SPAG5: variants seen among roughly 807,000 people sequenced by gnomAD.
SPAG5 encodes the protein sperm associated antigen 5, also known as sperm-associated antigen 5.
SPAG5 carries 99 observed loss-of-function variants against 145.4 expected under a neutral mutation model. The observed-to-expected ratio is 0.68, with a 90% CI of 0.58 to 0.80. The LOEUF (loss-of-function observed/expected upper bound fraction) is 0.80. Among genes scored for constraint, SPAG5 ranks in the 30% least tolerant of loss-of-function variants. SPAG5 has a pLI of 0.00. For synonymous variants in SPAG5, 477 were observed against 525.4 expected (o/e 0.91, Z 1.26); for missense variants, 1,192 against 1,416.0 (o/e 0.84, Z 2.54).
Position 28,578,725 on chromosome 17 carries a change from G to C in SPAG5, c.3145C>G (p.Gln1049Glu), listed in dbSNP as rs974126992. The C allele has an allele frequency of 6.2e-7, 1 of 1,613,942 alleles. No individual in the cohort carries two copies. The highest frequency in any genetic ancestry group is 8.5e-7 in the Non-Finnish European group (1 of 1,179,846). ...KNEKELQEVI[Q>E]QQNEKILEQI... is the part of the protein sequence containing the mutation. Reference sequence around the variant, plus strand: ...TCTAGGATCTTCTCATTCTGCTGCTGTATCACTTCCTGGAGCTCCTTTTCA... The same window carrying C: ...TCTAGGATCTTCTCATTCTGCTGCTCTATCACTTCCTGGAGCTCCTTTTCA... The change falls in exon 20 of 24, where the codon CAG becomes GAG. Residue 1049 changes from glutamine to glutamate, a missense_variant. By Grantham distance (29) the Gln-to-Glu change is conservative. Around this residue, in one of 5 missense-constraint regions of SPAG5, gnomAD observed 709 missense variants for 840.7 expected, o/e 0.84. Coordinates refer to ENST00000321765, the MANE Select transcript of SPAG5 (RefSeq NM_006461.4).
At chr17:28,579,119 C>T in intron 19 of SPAG5, 22 bp downstream of exon 19, 1 of 1,590,938 alleles carries the variant, frequency 6.3e-7, no homozygotes, top group South Asian at 1.1e-5. Context: ...TTCATCGCCC[C>T]ACTTCTAGGT....
chr17:28,578,621 G>A (rs746682867), intron 20 of SPAG5, 51 bp downstream of exon 20: 1 of 1,609,294 alleles, frequency 6.2e-7, no homozygotes, highest in Non-Finnish European at 8.5e-7. Flanking sequence ...TTGGGATCCT[G>A]GCTGACCAGT....
rs777867126 is a variant in SPAG5 at position 28,593,018 on chromosome 17, T to C, written c.226A>G (p.Thr76Ala). ...CTGAAATGTTCTGAAGATAAGTCTG[T>C]CCTCTTGTTATTTACAAAATCCACT... ...SPVDFVNNKR[T>A]DLSSEHFSHS... is the part of the protein sequence containing the mutation. Residue 76 changes from threonine to alanine, a missense_variant, in exon 3 of 24, where the codon ACA (threonine) becomes GCA (alanine). This residue lies in a region of SPAG5 where 329 missense variants were observed against 354.0 expected (regional missense o/e 0.93). Transcript: ENST00000321765. 2 of 1,614,220 alleles carry C rather than the reference T, an allele frequency of 1.2e-6. No homozygotes were observed. The highest frequency in any genetic ancestry group is 1.7e-6 in the Non-Finnish European group (2 of 1,180,044).
In SPAG5 at chr17:28,579,148, C is replaced by T. The variant is rs748260006; in HGVS notation, c.3110G>A (p.Arg1037His). The change falls in exon 19 of 24, where the codon CGC (arginine) becomes CAC (histidine). Residue 1037 changes from arginine to histidine, a missense_variant. Physicochemically the swap from Arg to His is conservative, Grantham distance 29. Around this residue, in one of 5 missense-constraint regions of SPAG5, gnomAD observed 709 missense variants for 840.7 expected, o/e 0.84. Transcript: ENST00000321765. ...TCTAGGTCCCTCCTTCACCTTGTAG[C>T]GCAAGCACAAGGCCTGGTTCAGCTT... ...IEKLNQALCL[R>H]YKNEKELQEV... 2.5e-6 allele frequency: 4 copies of T among 1,612,452 alleles called. No homozygotes were observed. The highest frequency in any genetic ancestry group is 1.7e-5 in the Admixed American group (1 of 60,012).
At chr17:28,579,002 T>C in intron 19 of SPAG5, 139 bp downstream of exon 19, 1 of 734,204 alleles carries the variant, frequency 1.4e-6, no homozygotes. Context: ...ATGTGAAATG[T>C]CTGACCCCAG....
intron 4 of SPAG5, among the ~76,000 whole-genome samples, chr17:28,591,213 C>A (rs1188173038): frequency 6.6e-6 from 1 of 152,150 alleles, no homozygotes; most frequent in South Asian, 2.1e-4. Context: ...TCCTTGCTTG[C>A]ACTCCTTTGG....
At position 28,584,700 on chromosome 17, in the gene SPAG5, T is replaced by C. The variant is rs1229829276; in HGVS notation, c.2113A>G (p.Lys705Glu). Residue 705 changes from lysine (K) to glutamate (E), a missense_variant, in exon 11 of 24, where the codon AAA becomes GAA. Coordinates refer to ENST00000321765, the MANE Select transcript of SPAG5 (RefSeq NM_006461.4). ...AACTCCAGTTGTTCTGTTTGGCCTT[T>C]GCACTCCTCTAACTGGGCAGAGACT... ...EQVSAQLEECKGQTEQLELEN... is the reference protein window; with the variant it reads ...EQVSAQLEECEGQTEQLELEN... The C allele has an allele frequency of 1.9e-6, 3 of 1,614,078 alleles. No homozygotes were observed. The highest frequency in any genetic ancestry group is 1.3e-5 in the African/African-American group (1 of 74,924).
Position 28,585,614 on chromosome 17 carries a change from G to C in SPAG5, c.1780C>G (p.Gln594Glu). The part of the protein sequence containing the change: ...VLEAFCAHAS[Q>E]RISQLEQDLA... ...TCCTGTTCCAGCTGGCTGATGCGCT[G>C]GCTGGCGTGTGCACAGAAAGCCTCC... Residue 594 changes from glutamine (Q) to glutamate (E), a missense_variant, in exon 8 of 24, where the codon CAG becomes GAG. Coordinates refer to ENST00000321765, the MANE Select transcript of SPAG5 (RefSeq NM_006461.4). The C allele has an allele frequency of 4.3e-6, 7 of 1,614,090 alleles. No individual in the cohort carries two copies. The highest frequency in any genetic ancestry group is 5.9e-6 in the Non-Finnish European group (7 of 1,180,042).
intron 4 of SPAG5, 22 bp downstream of exon 4, chr17:28,591,676 G>A (rs201475323): frequency 6.3e-7 from 1 of 1,584,994 alleles, no homozygotes; most frequent in Non-Finnish European, 8.6e-7. Context: ...GATCCCTCAA[G>A]CTTTGAGAGG....
At chr17:28,598,420 T>C in intron 2 of SPAG5, 90 bp downstream of exon 2, 1 of 1,435,706 alleles carries the variant, frequency 7.0e-7, no homozygotes, top group Non-Finnish European at 9.4e-7. Context: ...TCATTATCGT[T>C]ATTAATTATT....
Position 28,596,871 on chromosome 17 carries a change from G to A in SPAG5, c.177+1639C>T, listed in dbSNP as rs560593000. Among the ~76,000 whole-genome samples, 9 of 148,044 alleles carry A rather than the reference G, an allele frequency of 6.1e-5. No homozygotes were observed. The East Asian group carries it at 1.4e-3, about 23-fold the overall frequency. ...CTATAATCCCAGCACTTTGGAAGGC[G>A]GAGGCGGGCAGATCACCTGAGGTCA... On this transcript the variant is annotated intron_variant, in intron 2 of 23. Coordinates refer to ENST00000321765, the MANE Select transcript of SPAG5 (RefSeq NM_006461.4).
At position 28,586,101 on chromosome 17, in the gene SPAG5, C is replaced by CAGT. The variant is rs773031137; in HGVS notation, c.1591_1593dup (p.Thr531dup). ...TTCAGGCTGCTTACCTCCTGACTCA[C>CAGT]AGTAGTCTTATCTTCTTCTAAATGC... is the stretch of plus-strand genomic sequence containing the variant. On this transcript the variant is annotated inframe_insertion, in exon 6 of 24. Coordinates refer to ENST00000321765, the MANE Select transcript of SPAG5 (RefSeq NM_006461.4). 6.2e-7 allele frequency: 1 copy of CAGT among 1,614,070 alleles called. No homozygotes were observed. Among genetic ancestry groups the CAGT allele is most frequent in the Admixed American group, 1.7e-5 (1 of 60,018 alleles).
chr17:28,593,614 C>T (rs1291435384), intron 2 of SPAG5, among the ~76,000 whole-genome samples: 2 of 152,082 alleles, frequency 1.3e-5, no homozygotes, highest in Non-Finnish European at 2.9e-5. Context: ...GTCCCAGCTA[C>T]TCAGGAAGCT....
Position 28,598,880 on chromosome 17 carries a change from G to C in SPAG5, c.51+16C>G, listed in dbSNP as rs1162634305. ...CAGCCCGGCCCAGTTCTCTCCGCCAGAGATCTCCCGCTTACCGTCTGGGGC... is the reference window on the plus strand; with the variant it reads ...CAGCCCGGCCCAGTTCTCTCCGCCACAGATCTCCCGCTTACCGTCTGGGGC... On this transcript the variant is annotated intron_variant, in intron 1 of 23. Coordinates refer to ENST00000321765, the MANE Select transcript of SPAG5 (RefSeq NM_006461.4). 6.2e-7 allele frequency: 1 copy of C among 1,613,848 alleles called. No individual in the cohort carries two copies. Among genetic ancestry groups the C allele is most frequent in the South Asian group, 1.1e-5 (1 of 91,080 alleles).
chr17:28,596,167 T>C (rs2070663547), intron 2 of SPAG5, among the ~76,000 whole-genome samples: 1 of 151,708 alleles, frequency 6.6e-6, no homozygotes, highest in African/African-American at 2.4e-5. Context: ...ATTGTGCCAC[T>C]GCACTCCAGC....
chr17:28,590,960 C>A (rs946300319), intron 4 of SPAG5, among the ~76,000 whole-genome samples: 7 of 151,462 alleles, frequency 4.6e-5, no homozygotes, highest in African/African-American at 1.5e-4. Flanking sequence ...TACAGATACT[C>A]CATTTTCCAT....
intron 4 of SPAG5, among the ~76,000 whole-genome samples, chr17:28,589,965 A>G (rs2070609607): frequency 6.6e-6 from 1 of 152,222 alleles, no homozygotes; most frequent in Non-Finnish European, 1.5e-5. Context: ...CAACAATGAA[A>G]GTTCATCTAA....
intron 4 of SPAG5, among the ~76,000 whole-genome samples, chr17:28,587,717 C>CAAA (rs765826333): frequency 4.5e-4 from 22 of 48,808 alleles, no homozygotes; most frequent in East Asian, 1.1e-3. Flanking sequence ...GACCTCGTCT[C>CAAA]AAAAAAAAAA....
chr17:28,592,637 C>CTAAGAGATGG lies in SPAG5; in HGVS notation c.597_606dup (p.Glu203ProfsTer13). Reference sequence around the variant, plus strand: ...GAACAGGGATTTGGTGGAGACTCCTCTAAGAGATGGGACGGAGATTCCTGA... The same window carrying CTAAGAGATGG: ...GAACAGGGATTTGGTGGAGACTCCTCTAAGAGATGGTAAGAGATGGGACGGAGATTCCTGA... On this transcript the variant is annotated frameshift_variant, in exon 3 of 24. Coordinates refer to ENST00000321765, the MANE Select transcript of SPAG5 (RefSeq NM_006461.4). LOFTEE classifies it high-confidence loss of function. 1 of 1,614,144 alleles carries CTAAGAGATGG rather than the reference C, an allele frequency of 6.2e-7. No individual in the cohort carries two copies.
Sources: gnomAD v4.1 joint callset for allele counts (sites outside exome capture counted in the v4.1 genomes callset) on GRCh38, gnomAD v4.1.1 for gene constraint, gnomAD v4.1.1 regional missense constraint, MANE v1.5 for transcripts, NCBI Gene and HGNC (gene_info 2026-07-23, HGNC 2026-07-21) for gene names.